TLL2: variants seen among roughly 807,000 people sequenced by gnomAD.
TLL2 encodes the protein tolloid-like protein 2.
In TLL2, 106 loss-of-function variants were observed where a neutral mutation model predicts 123.0. That is an observed-to-expected ratio of 0.86 (90% CI 0.74 to 1.01). The LOEUF is 1.01. Ranked by LOEUF, TLL2 falls within the 50% of genes least tolerant of loss-of-function variation. The pLI is 0.00. For synonymous variants in TLL2, 494 were observed against 516.8 expected (o/e 0.96, Z 0.60); for missense variants, 1,332 against 1,336.7 (o/e 1.00, Z 0.06).
intron 19 of TLL2, 92 bp from the exon 20 acceptor site, chr10:96,370,407 G>GC: frequency 6.2e-6 from 9 of 1,450,132 alleles, no homozygotes; most frequent in Non-Finnish European, 8.2e-6. Flanking sequence ...AGAGCCTGGT[G>GC]CGTGCCTGGC....
chr10:96,416,708 G>A (rs948530630), intron 7 of TLL2, among the ~76,000 whole-genome samples: 2 of 152,198 alleles, frequency 1.3e-5, no homozygotes, highest in East Asian at 3.8e-4. Flanking sequence ...CTTTGGTGCT[G>A]GACGTCCTCC....
chr10:96,434,274 A>G (rs756643695), intron 3 of TLL2, among the ~76,000 whole-genome samples: 5 of 152,198 alleles, frequency 3.3e-5, no homozygotes, highest in Non-Finnish European at 7.3e-5. Context: ...AAGTTGTGAA[A>G]CCATCACCAT....
chr10:96,478,687 C>T (rs1449025104), intron 2 of TLL2, among the ~76,000 whole-genome samples: 1 of 152,224 alleles, frequency 6.6e-6, no homozygotes, highest in Non-Finnish European at 1.5e-5. Flanking sequence ...GAATTTCAGT[C>T]ACAGGCTGCA....
intron 13 of TLL2, among the ~76,000 whole-genome samples, chr10:96,393,523 C>T (rs2134061627): frequency 1.3e-5 from 2 of 152,314 alleles, no homozygotes; most frequent in South Asian, 4.1e-4. Flanking sequence ...ATGCAACTTG[C>T]TTGAGGCCAC....
chr10:96,504,940 A>C (rs1156809875), intron 1 of TLL2, among the ~76,000 whole-genome samples: 1 of 152,220 alleles, frequency 6.6e-6, no homozygotes, highest in African/African-American at 2.4e-5. Flanking sequence ...CCTGGGAGGC[A>C]GAGCGTTCAG....
chr10:96,481,769 C>T (rs952325435), intron 1 of TLL2, among the ~76,000 whole-genome samples: 3 of 151,974 alleles, frequency 2.0e-5, no homozygotes, highest in African/African-American at 7.3e-5. Flanking sequence ...GAAACAGGCT[C>T]GAAAATGACA....
chr10:96,473,430 C>CA, intron 2 of TLL2, among the ~76,000 whole-genome samples: 1 of 151,990 alleles, frequency 6.6e-6, no homozygotes, highest in African/African-American at 2.4e-5. Context: ...GACTCTGTCT[C>CA]AAAAAATAAA....
intron 2 of TLL2, among the ~76,000 whole-genome samples, chr10:96,471,166 A>G (rs1157480211): frequency 9.6e-6 from 1 of 103,644 alleles, no homozygotes; most frequent in Non-Finnish European, 2.2e-5. Context: ...ACACTTGGCT[A>G]ATTTTTTTTT....
At chr10:96,408,950 A>G (rs1350353986) in intron 9 of TLL2, among the ~76,000 whole-genome samples, 1 of 152,230 alleles carries the variant, frequency 6.6e-6, no homozygotes. Flanking sequence ...AGAGGACTAA[A>G]TTAGATGATC....
rs1262578392 is a variant in TLL2 at position 96,386,129 on chromosome 10, C to T, written c.1939G>A (p.Val647Ile). The change falls in exon 15 of 21, where the codon GTC becomes ATC. Residue 647 changes from valine to isoleucine, a missense_variant. Coordinates refer to ENST00000357947, the MANE Select transcript of TLL2 (RefSeq NM_012465.4). ...PKEYPTNKNC[V>I]WQVVAPAQYR... is the part of the protein sequence containing the mutation. ...TGAGCGGGGGCCACCACCTGCCAGA[C>T]ACAGTTTTTGTTTGTGGGATACTCC... 1 of 1,612,926 alleles carries T rather than the reference C, an allele frequency of 6.2e-7. No individual in the cohort carries two copies. The highest frequency in any genetic ancestry group is 8.5e-7 in the Non-Finnish European group (1 of 1,179,502).
At chr10:96,373,470 C>T in intron 19 of TLL2, 126 bp downstream of exon 19, 1 of 868,188 alleles carries the variant, frequency 1.2e-6, no homozygotes, top group Non-Finnish European at 1.8e-6. Context: ...GACATTTTAT[C>T]ACGCACCTTC....
chr10:96,487,297 C>T (rs539323552), intron 1 of TLL2, among the ~76,000 whole-genome samples: 19 of 152,308 alleles, frequency 1.2e-4, no homozygotes, highest in South Asian at 8.3e-4. Flanking sequence ...CTCCACTTTG[C>T]TCCTCCTGGT....
At chr10:96,464,015 T>C (rs796669629) in intron 2 of TLL2, among the ~76,000 whole-genome samples, 11 of 152,170 alleles carry the variant, frequency 7.2e-5, no homozygotes, top group African/African-American at 1.4e-4. Context: ...TGGAGGAGCA[T>C]AGAGCTTTGA....
chr10:96,473,101 C>T (rs961820544), intron 2 of TLL2, among the ~76,000 whole-genome samples: 1 of 152,124 alleles, frequency 6.6e-6, no homozygotes, highest in Non-Finnish European at 1.5e-5. Context: ...ATGTGTGCCA[C>T]TCAAAGTCAT....
intron 2 of TLL2, among the ~76,000 whole-genome samples, chr10:96,452,224 T>C (rs1298107216): frequency 6.6e-6 from 1 of 152,116 alleles, no homozygotes; most frequent in African/African-American, 2.4e-5. Context: ...GTCAGAGCAG[T>C]GGGGGATGGG....
intron 5 of TLL2, among the ~76,000 whole-genome samples, chr10:96,428,053 C>A (rs1337246684): frequency 6.6e-6 from 1 of 152,158 alleles, no homozygotes; most frequent in Non-Finnish European, 1.5e-5. Flanking sequence ...CCTCAGCCTC[C>A]CAAACTGCTG....
chr10:96,388,059 G>T (rs1589408780), intron 13 of TLL2, among the ~76,000 whole-genome samples: 1 of 152,048 alleles, frequency 6.6e-6, no homozygotes, highest in Non-Finnish European at 1.5e-5. Flanking sequence ...GGGGAGAAGC[G>T]GGAAGGAGAG....
intron 20 of TLL2, among the ~76,000 whole-genome samples, chr10:96,368,921 G>T (rs145256333): frequency 3.9e-5 from 6 of 152,326 alleles, no homozygotes; most frequent in Non-Finnish European, 7.3e-5. Context: ...TAGTTTGAAA[G>T]ATTTTATCAA....
intron 2 of TLL2, among the ~76,000 whole-genome samples, chr10:96,464,212 C>T (rs1007161062): frequency 3.2e-4 from 48 of 152,006 alleles, no homozygotes; most frequent in African/African-American, 1.1e-3. Context: ...GGTGAAACCC[C>T]ATCTCTACTG....
Sources: gnomAD v4.1 joint callset for allele counts (sites outside exome capture counted in the v4.1 genomes callset) on GRCh38, gnomAD v4.1.1 for gene constraint, MANE v1.5 for transcripts, NCBI Gene and HGNC (gene_info 2026-07-23, HGNC 2026-07-21) for gene names.